Variants in KCNT2 observed in about 807,000 individuals in gnomAD.
The protein encoded by KCNT2 is potassium channel subfamily T member 2.
In KCNT2, 67 loss-of-function variants were observed where a neutral mutation model predicts 153.8. That is an observed-to-expected ratio of 0.44 (90% CI 0.36 to 0.53). The LOEUF (loss-of-function observed/expected upper bound fraction) is 0.53. KCNT2 is among the 20% of genes least tolerant of loss of function. The pLI, the probability that KCNT2 is intolerant of heterozygous loss-of-function variation, is 0.00. For synonymous variants in KCNT2, 500 were observed against 458.8 expected (o/e 1.09, Z -1.15); for missense variants, 975 against 1,354.8 (o/e 0.72, Z 4.40).
At chr1:196,279,134 T>C (rs920103561) in intron 25 of KCNT2, among the ~76,000 whole-genome samples, 1 of 152,210 alleles carries the variant, frequency 6.6e-6, no homozygotes, top group African/African-American at 2.4e-5. Flanking sequence ...TATTTTGTTA[T>C]AGCAGCCTGA....
At chr1:196,398,696 C>CATA (rs1410279375) in intron 12 of KCNT2, 25 bp from the exon 13 acceptor site, 2 of 1,176,574 alleles carry the variant, frequency 1.7e-6, no homozygotes, top group Non-Finnish European at 2.5e-6. Flanking sequence ...ATAAAAACAT[C>CATA]ATAGCATAAG....
intron 1 of KCNT2, among the ~76,000 whole-genome samples, chr1:196,568,447 T>C (rs904774310): frequency 2.6e-5 from 4 of 151,500 alleles, no homozygotes; most frequent in African/African-American, 9.7e-5. Context: ...ATACAAAAAA[T>C]TAGCCGGGTG....
At chr1:196,486,674 C>T (rs1025510113) in intron 3 of KCNT2, among the ~76,000 whole-genome samples, 1 of 150,070 alleles carries the variant, frequency 6.7e-6, no homozygotes, top group Non-Finnish European at 1.5e-5. Flanking sequence ...GGATATGTTG[C>T]TCACAAACCC....
Position 196,462,301 on chromosome 1 carries a change from G to A in KCNT2, c.638+2992C>T, listed in dbSNP as rs552441001. ...GTAAAACTGGAGCCATGGGCATGTC[G>A]CAATGCTGTGTGTCATTGAAAGCAT... On this transcript the variant is annotated intron_variant, in intron 8 of 27. Transcript: ENST00000294725. 6.6e-5 allele frequency among the ~76,000 whole-genome samples: 10 copies of A among 151,624 alleles called. No homozygotes were observed. The South Asian group carries it at 8.3e-4, about 13-fold the overall frequency.
intron 14 of KCNT2, among the ~76,000 whole-genome samples, chr1:196,348,427 T>C (rs1344697649): frequency 1.3e-5 from 2 of 152,120 alleles, no homozygotes; most frequent in Non-Finnish European, 1.5e-5. Flanking sequence ...TTAGGAGAAA[T>C]AAGAGGCTTG....
intron 1 of KCNT2, among the ~76,000 whole-genome samples, chr1:196,513,007 T>C (rs1681759559): frequency 2.6e-5 from 4 of 152,102 alleles, no homozygotes; most frequent in Non-Finnish European, 5.9e-5. Flanking sequence ...CATCACCTTA[T>C]CGTGTCTGAA....
At chr1:196,342,897 T>C (rs1209029201) in intron 14 of KCNT2, among the ~76,000 whole-genome samples, 1 of 152,178 alleles carries the variant, frequency 6.6e-6, no homozygotes, top group East Asian at 1.9e-4. Flanking sequence ...AATCCCATTA[T>C]GATGGTATTT....
intron 7 of KCNT2, among the ~76,000 whole-genome samples, chr1:196,465,805 G>A (rs910345992): frequency 2.0e-5 from 3 of 150,840 alleles, no homozygotes; most frequent in African/African-American, 7.3e-5. Context: ...TCATTATCAG[G>A]AAAATTAACA....
In KCNT2 at chr1:196,258,739, A is replaced by G; in HGVS notation, c.2911-245T>C. On this transcript the variant is annotated intron_variant, in intron 25 of 27. Coordinates refer to ENST00000294725, the MANE Select transcript of KCNT2 (RefSeq NM_198503.5). ...TATCCTCTGGTACAAATTTTTATGA[A>G]AGTATTTAATTTTTAGGCATAAACT... 14 of 492,954 alleles carry G rather than the reference A, an allele frequency of 2.8e-5. No homozygotes were observed. In the South Asian group the frequency reaches 3.1e-4, roughly 11 times the overall value. 30.5% of individuals were successfully genotyped at this position (492,954 alleles called of 1,614,324 possible).
intron 14 of KCNT2, among the ~76,000 whole-genome samples, chr1:196,361,734 C>T (rs1667640239): frequency 6.6e-6 from 1 of 152,098 alleles, no homozygotes; most frequent in African/African-American, 2.4e-5. Context: ...TCTGTTAATA[C>T]TTTCAAATCT....
intron 8 of KCNT2, among the ~76,000 whole-genome samples, chr1:196,436,528 C>G (rs1674671589): frequency 6.6e-6 from 1 of 151,408 alleles, no homozygotes; most frequent in African/African-American, 2.4e-5. Flanking sequence ...TTACTTAGAT[C>G]TGTGAATCTT....
At chr1:196,518,208 A>G (rs1652860773) in intron 1 of KCNT2, among the ~76,000 whole-genome samples, 1 of 152,190 alleles carries the variant, frequency 6.6e-6, no homozygotes, top group Admixed American at 6.5e-5. Flanking sequence ...TTTCCAGATC[A>G]AATGCTAAGG....
intron 1 of KCNT2, among the ~76,000 whole-genome samples, chr1:196,547,771 T>C (rs1375203260): frequency 6.6e-6 from 1 of 151,898 alleles, no homozygotes; most frequent in Non-Finnish European, 1.5e-5. Flanking sequence ...TTTTTTATTT[T>C]TTAAATGGAA....
At chr1:196,264,631 A>ATTAT (rs1253249280) in intron 25 of KCNT2, among the ~76,000 whole-genome samples, 1 of 151,760 alleles carries the variant, frequency 6.6e-6, no homozygotes, top group South Asian at 2.1e-4. Flanking sequence ...AATTTTAAAA[A>ATTAT]TTATTTATTT....
chr1:196,448,467 T>C (rs1197094487), intron 8 of KCNT2, among the ~76,000 whole-genome samples: 1 of 151,666 alleles, frequency 6.6e-6, no homozygotes, highest in Non-Finnish European at 1.5e-5. Context: ...ACGTGTGTTT[T>C]GTTTTTCTCT....
At chr1:196,381,218 G>T (rs552950949) in intron 13 of KCNT2, among the ~76,000 whole-genome samples, 2 of 152,036 alleles carry the variant, frequency 1.3e-5, no homozygotes, top group South Asian at 2.1e-4. Flanking sequence ...TACTCAAAAG[G>T]GGGCTCAAAT....
intron 19 of KCNT2, among the ~76,000 whole-genome samples, chr1:196,325,137 A>AT (rs974251571): frequency 7.2e-5 from 11 of 152,186 alleles, no homozygotes; most frequent in African/African-American, 1.2e-4. Flanking sequence ...GAAGAGACTG[A>AT]TTTTTGGTAG....
intron 1 of KCNT2, among the ~76,000 whole-genome samples, chr1:196,584,037 C>T (rs1010731247): frequency 6.6e-6 from 1 of 151,766 alleles, no homozygotes; most frequent in Non-Finnish European, 1.5e-5. Flanking sequence ...CAGGTCCAGC[C>T]TAACAAGAGG....
At chr1:196,591,898 C>A (rs548159012) in intron 1 of KCNT2, among the ~76,000 whole-genome samples, 7 of 152,028 alleles carry the variant, frequency 4.6e-5, no homozygotes, top group Non-Finnish European at 7.4e-5. Flanking sequence ...CAGAGCAACT[C>A]GATAATAAAA....
Sources: allele counts gnomAD v4.1 joint callset (sites outside exome capture counted in the v4.1 genomes callset), GRCh38; gene constraint gnomAD v4.1.1; transcripts MANE v1.5; gene names NCBI Gene and HGNC (gene_info 2026-07-23, HGNC 2026-07-21).